The following ATXN10 variants were observed in gnomAD, a reference collection of about 807,000 sequenced individuals.
ATXN10 encodes the protein ataxin 10, also known as ataxin-10.
ATXN10 carries 28 observed loss-of-function variants against 52.9 expected under a neutral mutation model. The observed-to-expected ratio is 0.53, with a 90% CI of 0.39 to 0.73. ATXN10 has a LOEUF of 0.73. Ranked by LOEUF, ATXN10 falls within the 30% of genes least tolerant of loss-of-function variation. The pLI, the probability that ATXN10 is intolerant of heterozygous loss-of-function variation, is 0.00. For missense variants in ATXN10, 565 were observed against 577.0 expected (o/e 0.98, Z 0.21); for synonymous variants, 226 against 221.5 (o/e 1.02, Z -0.18).
At chr22:45,711,870 G>A (rs1395935354) in intron 5 of ATXN10, among the ~76,000 whole-genome samples, 1 of 152,162 alleles carries the variant, frequency 6.6e-6, no homozygotes, top group Non-Finnish European at 1.5e-5. Flanking sequence ...CCACCATTAT[G>A]CCAGAAGTGC....
chr22:45,725,752 G>A (rs1924844395), intron 6 of ATXN10, among the ~76,000 whole-genome samples: 1 of 152,036 alleles, frequency 6.6e-6, no homozygotes, highest in Non-Finnish European at 1.5e-5. Flanking sequence ...CAGTTCTTAG[G>A]GGCAATGCTT....
chr22:45,806,612 G>GT (rs1569072641), intron 9 of ATXN10, among the ~76,000 whole-genome samples: 1 of 151,918 alleles, frequency 6.6e-6, no homozygotes, highest in Non-Finnish European at 1.5e-5. Flanking sequence ...ATTCACCCAT[G>GT]TTTTTTTCTA....
In ATXN10 at chr22:45,752,985, C is replaced by T. The variant is rs576017409; in HGVS notation, c.1173+12447C>T. Reference sequence around the variant, plus strand: ...CCGACCTCAGGTAATCTGCCCACCTCGGCCTCCCAAAGTGCTGGGATTACA... The same window carrying T: ...CCGACCTCAGGTAATCTGCCCACCTTGGCCTCCCAAAGTGCTGGGATTACA... On this transcript the variant is annotated intron_variant, in intron 9 of 11. Coordinates refer to ENST00000252934, the MANE Select transcript of ATXN10 (RefSeq NM_013236.4). Among the ~76,000 whole-genome samples, 758 of 152,204 alleles carry T rather than the reference C, an allele frequency of 5.0e-3. 4 individuals are homozygous for T. The highest frequency in any genetic ancestry group is 7.6e-3 in the Non-Finnish European group (519 of 68,020).
intron 10 of ATXN10, among the ~76,000 whole-genome samples, chr22:45,814,837 G>C (rs962619601): frequency 4.6e-5 from 7 of 152,164 alleles, no homozygotes; most frequent in Admixed American, 1.3e-4. Flanking sequence ...TCATAGGAGC[G>C]TGAACCCTAT....
chr22:45,672,947 C>A (rs7354791), intron 1 of ATXN10: 12 of 152,116 alleles, frequency 7.9e-5, no homozygotes, highest in African/African-American at 2.9e-4. Flanking sequence ...AAATAAAGTA[C>A]GTGAAAATAT....
chr22:45,827,106 G>T (rs1472812502), intron 10 of ATXN10, among the ~76,000 whole-genome samples: 2 of 148,486 alleles, frequency 1.3e-5, no homozygotes, highest in African/African-American at 4.9e-5. Flanking sequence ...ACTTTCGAAT[G>T]TTAAATGTAA....
intron 9 of ATXN10, among the ~76,000 whole-genome samples, chr22:45,756,016 C>G (rs1265523903): frequency 6.6e-6 from 1 of 152,030 alleles, no homozygotes; most frequent in Admixed American, 6.5e-5. Flanking sequence ...CCTCCTCCTT[C>G]TGCCATGTTT....
rs116997930 is a variant in ATXN10, at chr22:45,799,463, T to C, written c.1174-7496T>C. ...GGATGGGCCCCTAATCCAGTATGAGTGGTGTCCTTATAAAAAGGGGAAATT... is the reference window on the plus strand; with the variant it reads ...GGATGGGCCCCTAATCCAGTATGAGCGGTGTCCTTATAAAAAGGGGAAATT... On this transcript the variant is annotated intron_variant, in intron 9 of 11. Coordinates refer to ENST00000252934, the MANE Select transcript of ATXN10 (RefSeq NM_013236.4). Among the ~76,000 whole-genome samples, 970 of 152,160 alleles carry C rather than the reference T, an allele frequency of 6.4e-3. 7 individuals are homozygous for C. The highest frequency in any genetic ancestry group is 0.015 in the South Asian group (71 of 4,814).
rs1924523105 is a variant in ATXN10 at position 45,718,357 on chromosome 22, C to T, written c.648-56C>T. 7.7e-7 allele frequency: 1 copy of T among 1,290,628 alleles called. No homozygotes were observed. Among genetic ancestry groups the T allele is most frequent in the Non-Finnish European group, 1.1e-6 (1 of 885,292 alleles). 79.9% of individuals were successfully genotyped at this position (1,290,628 alleles called of 1,614,324 possible). On this transcript the variant is annotated intron_variant, in intron 5 of 11. Coordinates refer to ENST00000252934, the MANE Select transcript of ATXN10 (RefSeq NM_013236.4). The surrounding 1 kb of genome is among the most constrained non-coding windows in gnomAD (Gnocchi z 4.4). ...GTGGTGCCTATAAAGTAGATAAGGGCATGTCTCTTTTACTATGTTTCAAGT... is the reference window on the plus strand; with the variant it reads ...GTGGTGCCTATAAAGTAGATAAGGGTATGTCTCTTTTACTATGTTTCAAGT...
chr22:45,698,985 T>G (rs897867707), intron 3 of ATXN10, among the ~76,000 whole-genome samples: 6 of 152,222 alleles, frequency 3.9e-5, no homozygotes, highest in African/African-American at 1.2e-4. Flanking sequence ...GTTACCACAC[T>G]TGAGGTAAGA....
At chr22:45,808,629 C>T (rs1928180931) in intron 10 of ATXN10, among the ~76,000 whole-genome samples, 1 of 152,160 alleles carries the variant, frequency 6.6e-6, no homozygotes, top group African/African-American at 2.4e-5. Context: ...TGATTATCAT[C>T]CGTATGTTGT....
intron 6 of ATXN10, among the ~76,000 whole-genome samples, chr22:45,723,537 G>T (rs899903433): frequency 1.3e-4 from 20 of 152,224 alleles, no homozygotes; most frequent in African/African-American, 4.8e-4. Context: ...CTAACTTCCC[G>T]CCTGCTGAGT....
At chr22:45,709,200 A>G (rs1471269654) in intron 5 of ATXN10, among the ~76,000 whole-genome samples, 1 of 152,244 alleles carries the variant, frequency 6.6e-6, no homozygotes, top group Non-Finnish European at 1.5e-5. Context: ...ACAGCCATGC[A>G]TTCCACTTTC....
intron 5 of ATXN10, among the ~76,000 whole-genome samples, chr22:45,711,409 G>A (rs1305824065): frequency 6.6e-6 from 1 of 152,126 alleles, no homozygotes; most frequent in African/African-American, 2.4e-5. Context: ...CCTGCAAAAG[G>A]GGTGCCGAAC....
rs1928588365 is a variant in ATXN10 at position 45,819,745 on chromosome 22, A to G, written c.1237+12723A>G. On this transcript the variant is annotated intron_variant, in intron 10 of 11. Transcript: ENST00000252934. This position sits in a 1 kb window ranked among gnomAD's most constrained non-coding sequence, Gnocchi z 4.5. ...ATGTATGTATTTTCTTATGAAGTTA[A>G]TTATTTGCCAATTTTTCTTTTTGCA... 6.6e-6 allele frequency among the ~76,000 whole-genome samples: 1 copy of G among 152,196 alleles called. No individual in the cohort carries two copies. The highest frequency in any genetic ancestry group is 6.5e-5 in the Admixed American group (1 of 15,278).
intron 10 of ATXN10, among the ~76,000 whole-genome samples, chr22:45,812,351 G>A (rs1928309113): frequency 6.6e-6 from 1 of 152,110 alleles, no homozygotes. Context: ...GCATGTAGTA[G>A]ATAACCAAAA....
chr22:45,717,100 A>G (rs935366390), intron 5 of ATXN10, among the ~76,000 whole-genome samples: 2 of 151,490 alleles, frequency 1.3e-5, no homozygotes, highest in Non-Finnish European at 2.9e-5. Context: ...TTTAAATGCT[A>G]TCTTCTTTTC....
intron 9 of ATXN10, among the ~76,000 whole-genome samples, chr22:45,743,457 G>A (rs967907020): frequency 2.0e-5 from 3 of 152,132 alleles, no homozygotes; most frequent in African/African-American, 4.8e-5. Context: ...GAATTCACTC[G>A]CACTCAGATG....
Position 45,757,237 on chromosome 22 carries a change from G to A in ATXN10, c.1173+16699G>A, listed in dbSNP as rs1926206733. Among the ~76,000 whole-genome samples, 1 of 152,148 alleles carries A rather than the reference G, an allele frequency of 6.6e-6. No individual in the cohort carries two copies. Among genetic ancestry groups the A allele is most frequent in the Non-Finnish European group, 1.5e-5 (1 of 68,016 alleles). On this transcript the variant is annotated intron_variant, in intron 9 of 11. Transcript: ENST00000252934. This position sits in a 1 kb window ranked among gnomAD's most constrained non-coding sequence, Gnocchi z 4.6. ...TTGGAGCAGTTCGAAGAGAGGGCGT[G>A]TCCTTTGCCTGTTGGAATTCCAACC...
Sources: gnomAD v4.1 joint callset for allele counts (sites outside exome capture counted in the v4.1 genomes callset) on GRCh38, gnomAD v4.1.1 for gene constraint, Gnocchi (gnomAD v3.1) non-coding constraint, MANE v1.5 for transcripts, NCBI Gene and HGNC (gene_info 2026-07-23, HGNC 2026-07-21) for gene names.